UNC13B: variants seen among roughly 807,000 people sequenced by gnomAD.
UNC13B encodes unc-13 homolog B, also known as protein unc-13 homolog B.
A neutral mutation model predicts 211.0 loss-of-function variants in UNC13B; 144 were observed. The observed-to-expected ratio is 0.68, with a 90% confidence interval of 0.60 to 0.78. The LOEUF (loss-of-function observed/expected upper bound fraction) is 0.78, where lower values mean the gene tolerates loss of function less well. Among genes scored for constraint, UNC13B ranks in the 30% least tolerant of loss-of-function variants. The pLI, the probability that UNC13B is intolerant of heterozygous loss-of-function variation, is 0.00. For missense variants in UNC13B, 1,777 were observed against 2,002.0 expected (o/e 0.89, Z 2.14); for synonymous variants, 709 against 725.8 (o/e 0.98, Z 0.37).
In UNC13B at chr9:35,381,538, C is replaced by T. The variant is rs1225502904; in HGVS notation, c.10492-18C>T. The T allele has an allele frequency of 6.2e-7, 1 of 1,606,098 alleles. No homozygotes were observed. The highest frequency in any genetic ancestry group is 8.5e-7 in the Non-Finnish European group (1 of 1,174,924). On this transcript the variant is annotated intron_variant, in intron 19 of 39. Transcript: ENST00000635942. ...TATGTGTTTAACCCATTCCCTTTCT[C>T]TGCTCTGTCTCCTGCAGAATCTTTT...
chr9:35,397,529 C>T, intron 29 of UNC13B, 106 bp from the exon 30 acceptor site: 2 of 1,364,630 alleles, frequency 1.5e-6, no homozygotes, highest in Non-Finnish European at 2.0e-6. Flanking sequence ...TCCCCCTTTA[C>T]CTCCCTGTTG....
intron 1 of UNC13B, among the ~76,000 whole-genome samples, chr9:35,195,860 C>T (rs1374699781): frequency 2.0e-5 from 3 of 152,010 alleles, no homozygotes; most frequent in Non-Finnish European, 2.9e-5. Flanking sequence ...GCTGAGTCAA[C>T]TGTGGTCAGT....
chr9:35,227,529 T>C (rs1452862188), intron 1 of UNC13B, among the ~76,000 whole-genome samples: 10 of 152,106 alleles, frequency 6.6e-5, no homozygotes, highest in Admixed American at 5.2e-4. Flanking sequence ...GAAACAGCGC[T>C]TTGTGATTAC....
intron 1 of UNC13B, among the ~76,000 whole-genome samples, chr9:35,180,838 T>G (rs1821897785): frequency 6.6e-6 from 1 of 151,992 alleles, no homozygotes; most frequent in African/African-American, 2.4e-5. Context: ...GGTTTACGCC[T>G]GTAATCCCAG....
At chr9:35,403,325 G>A (rs1487733470) in intron 38 of UNC13B, 66 bp downstream of exon 38, 3 of 1,602,302 alleles carry the variant, frequency 1.9e-6, no homozygotes, top group East Asian at 2.2e-5. Context: ...CTCAAAAGCA[G>A]GGGCTGCTCA....
chr9:35,291,059 GT>G lies in UNC13B; in HGVS notation c.527-4633del, dbSNP rs986041101. 1.4e-5 allele frequency: 22 copies of G among 1,549,830 alleles called. No homozygotes were observed. In the African/African-American group the frequency reaches 2.9e-4, roughly 20 times the overall value. On this transcript the variant is annotated intron_variant, in intron 7 of 39. Transcript: ENST00000635942. ...AAAAATTATCTGCTGCTTCTTTGTG[GT>G]TTTCTTAGGTCACTGGACCTATTTG... is the stretch of plus-strand genomic sequence containing the variant.
chr9:35,268,424 C>A (rs1225199964), intron 7 of UNC13B, among the ~76,000 whole-genome samples: 2 of 152,144 alleles, frequency 1.3e-5, no homozygotes, highest in Admixed American at 6.5e-5. Flanking sequence ...TCGAGACCAT[C>A]CTGGCTAACA....
At chr9:35,381,827 C>A in intron 20 of UNC13B, 108 bp downstream of exon 20, 2 of 1,360,996 alleles carry the variant, frequency 1.5e-6, no homozygotes, top group Non-Finnish European at 1.0e-6. Context: ...TGCAGTGATT[C>A]CTTTACTTTC....
chr9:35,206,928 A>G (rs1823687594), intron 1 of UNC13B, among the ~76,000 whole-genome samples: 1 of 151,376 alleles, frequency 6.6e-6, no homozygotes, highest in South Asian at 2.1e-4. Context: ...ATATTACCAC[A>G]GTTTGTTTAC....
chr9:35,272,401 G>A (rs1428354589), intron 7 of UNC13B, among the ~76,000 whole-genome samples: 1 of 151,788 alleles, frequency 6.6e-6, no homozygotes, highest in Non-Finnish European at 1.5e-5. Flanking sequence ...GGGATTACAG[G>A]CACCTACCAC....
rs370303978 is a variant in UNC13B at position 35,239,830 on chromosome 9, C to T, written c.394+2004C>T. On this transcript the variant is annotated intron_variant, in intron 5 of 39. Transcript: ENST00000635942. ...AAAGAAGAGAAATATGGCTCTGTTC[C>T]GCCCGGCCCACAGGCAGCCAGACTT... 1.7e-3 allele frequency among the ~76,000 whole-genome samples: 265 copies of T among 152,292 alleles called. 1 individual carries two copies. The highest frequency in any genetic ancestry group is 6.0e-3 in the African/African-American group (250 of 41,558).
At position 35,295,950 on chromosome 9, in the gene UNC13B, T is replaced by C. The variant is rs900618530; in HGVS notation, c.761+20T>C. 8 of 1,570,712 alleles carry C rather than the reference T, an allele frequency of 5.1e-6. No individual in the cohort carries two copies. Among genetic ancestry groups the C allele is most frequent in the Non-Finnish European group, 6.9e-6 (8 of 1,155,540 alleles). ...TATCAGGTGGGTATTGAGCACAAAG[T>C]ACTTTCTCTTCCTAATATCCAGGTC... On this transcript the variant is annotated intron_variant, in intron 8 of 39. Coordinates refer to ENST00000635942, the MANE Select transcript of UNC13B (RefSeq NM_001371189.2).
At chr9:35,180,738 T>C (rs917378137) in intron 1 of UNC13B, among the ~76,000 whole-genome samples, 1 of 152,198 alleles carries the variant, frequency 6.6e-6, no homozygotes, top group Non-Finnish European at 1.5e-5. Flanking sequence ...TGTTTGTTTT[T>C]GTTTTTGCTT....
chr9:35,374,446 G>A (rs1263773962), intron 13 of UNC13B, among the ~76,000 whole-genome samples: 1 of 131,490 alleles, frequency 7.6e-6, no homozygotes, highest in East Asian at 2.3e-4. Flanking sequence ...CTGTGCAAGA[G>A]TGTGGCTAGC....
rs774088099 is a variant in UNC13B, at chr9:35,227,966, A to T, written c.23-49A>T. 6 of 1,574,574 alleles carry T rather than the reference A, an allele frequency of 3.8e-6. No homozygotes were observed. In the South Asian group the frequency reaches 6.8e-5, roughly 18 times the overall value. On this transcript the variant is annotated intron_variant, in intron 1 of 39. Coordinates refer to ENST00000635942, the MANE Select transcript of UNC13B (RefSeq NM_001371189.2). Reference sequence around the variant, plus strand: ...GTGCCTAATAAATGTTGCTTAAGTAAAATGAACTTGGAAACATTCTTCATG... The same window carrying T: ...GTGCCTAATAAATGTTGCTTAAGTATAATGAACTTGGAAACATTCTTCATG...
Position 35,396,480 on chromosome 9 carries a change from T to C in UNC13B, c.11313T>C (p.His3771=). Residue 3771 remains histidine (H), a synonymous_variant, in exon 27 of 40, where the codon CAT becomes CAC. Transcript: ENST00000635942. The stretch of plus-strand genomic sequence containing the variant: ...AACCTTTCTCCCTACCACTAGAGCA[T>C]GAGAAAGACCACCTGTGTAAAAGTG... The part of the protein sequence containing the change: ...AQDMKYALEE[H]EKDHLCKSAD... 6.2e-7 allele frequency: 1 copy of C among 1,613,032 alleles called. No individual in the cohort carries two copies. Among genetic ancestry groups the C allele is most frequent in the South Asian group, 1.1e-5 (1 of 91,060 alleles).
intron 7 of UNC13B, among the ~76,000 whole-genome samples, chr9:35,283,707 G>T (rs1828634001): frequency 6.6e-6 from 1 of 152,190 alleles, no homozygotes; most frequent in Non-Finnish European, 1.5e-5. Flanking sequence ...AAGGCAGTTG[G>T]TAATGCTAGA....
rs767623740 is a variant in UNC13B, at chr9:35,308,084, C to T, written c.8680C>T (p.Pro2894Ser). Residue 2894 changes from proline (P) to serine (S), a missense_variant, in exon 9 of 40, where the codon CCA becomes TCA. Coordinates refer to ENST00000635942, the MANE Select transcript of UNC13B (RefSeq NM_001371189.2). Reference protein sequence around the residue: ...SSQISGASAQPGKVYTQPSGT... With the variant: ...SSQISGASAQSGKVYTQPSGT... ...TCAAATATCTGGGGCCAGTGCTCAGCCAGGTAAAGTCTACACTCAGCCCTC... is the reference window on the plus strand; with the variant it reads ...TCAAATATCTGGGGCCAGTGCTCAGTCAGGTAAAGTCTACACTCAGCCCTC... The T allele has an allele frequency of 4.0e-5, 16 of 399,086 alleles. No individual in the cohort carries two copies. Among genetic ancestry groups the T allele is most frequent in the Non-Finnish European group, 6.2e-5 (14 of 226,250 alleles). 24.7% of individuals were successfully genotyped at this position (399,086 alleles called of 1,614,324 possible).
chr9:35,321,813 A>G (rs1014251714), intron 11 of UNC13B, among the ~76,000 whole-genome samples: 3 of 152,022 alleles, frequency 2.0e-5, no homozygotes, highest in African/African-American at 7.2e-5. Flanking sequence ...AGGGGTATAT[A>G]TATATTTTAA....
Sources: gnomAD v4.1 joint callset for allele counts (sites outside exome capture counted in the v4.1 genomes callset) on GRCh38, gnomAD v4.1.1 for gene constraint, MANE v1.5 for transcripts, NCBI Gene and HGNC (gene_info 2026-07-23, HGNC 2026-07-21) for gene names.